The following MTAP variants were observed in gnomAD, a reference collection of about 807,000 sequenced individuals.
The protein encoded by MTAP is S-methyl-5'-thioadenosine phosphorylase.
A neutral mutation model predicts 33.6 loss-of-function variants in MTAP; 33 were observed. The ratio of observed to expected loss-of-function variants is 0.98; its 90% CI spans 0.74 to 1.31. The LOEUF (loss-of-function observed/expected upper bound fraction) is 1.31, where lower values mean the gene tolerates loss of function less well. Ranked by LOEUF, MTAP falls within the 40% of genes most tolerant of loss-of-function variation. The pLI, the probability that MTAP is intolerant of heterozygous loss-of-function variation, is 0.00. For missense variants in MTAP, 367 were observed against 360.0 expected (o/e 1.02, Z -0.16); for synonymous variants, 148 against 125.7 (o/e 1.18, Z -1.19).
At chr9:21,899,297 G>A (rs112298198) in intron 1 of MTAP, among the ~76,000 whole-genome samples, 7,750 of 151,710 alleles carry the variant, frequency 0.051, 604 homozygotes, top group African/African-American at 0.17. Context: ...ACAAGTTAAC[G>A]GGTGCAGCAC....
chr9:21,878,973 A>C (rs1450252906), intron 1 of MTAP, among the ~76,000 whole-genome samples: 1 of 152,106 alleles, frequency 6.6e-6, no homozygotes, highest in Non-Finnish European at 1.5e-5. Context: ...TTTTATGTCC[A>C]ATTATGTGGT....
intron 4 of MTAP, among the ~76,000 whole-genome samples, chr9:21,826,068 C>T (rs150291175): frequency 2.0e-5 from 3 of 151,922 alleles, no homozygotes; most frequent in African/African-American, 4.8e-5. Context: ...GGTTTGTAAA[C>T]ATTTTTTTCC....
chr9:21,906,244 A>G (rs1313070714), intron 1 of MTAP, among the ~76,000 whole-genome samples: 1 of 152,244 alleles, frequency 6.6e-6, no homozygotes, highest in African/African-American at 2.4e-5. Context: ...TAAGGATAAG[A>G]TGTCAAAGCA....
At position 21,840,560 on chromosome 9, in the gene MTAP, G is replaced by A. The variant is rs1282874530; in HGVS notation, c.450+2550G>A. On this transcript the variant is annotated intron_variant, in intron 5 of 7. Transcript: ENST00000644715. Reference sequence around the variant, plus strand: ...TTAGGGGGTTATGTGAAATATGAAAGTAGAAGTAGCAACAGGAAGTGCTTT... The same window carrying A: ...TTAGGGGGTTATGTGAAATATGAAAATAGAAGTAGCAACAGGAAGTGCTTT... Among the ~76,000 whole-genome samples the A allele has an allele frequency of 2.0e-5, 3 of 152,338 alleles. No homozygotes were observed. The East Asian group carries it at 5.8e-4, about 29-fold the overall frequency.
At chr9:21,911,818 T>A (rs1457517085) in intron 1 of MTAP, among the ~76,000 whole-genome samples, 1 of 151,328 alleles carries the variant, frequency 6.6e-6, no homozygotes, top group Non-Finnish European at 1.5e-5. Flanking sequence ...AAAAAACCCA[T>A]CAAAAAAATC....
Position 21,864,902 on chromosome 9 carries a change from A to G in MTAP, c.*2888A>G. 2.0e-6 allele frequency: 2 copies of G among 985,430 alleles called. No homozygotes were observed. The highest frequency in any genetic ancestry group is 2.4e-6 in the Non-Finnish European group (2 of 829,934). The allele number at this position is 985,430 out of a possible 1,614,324, so 61.0% of individuals were successfully genotyped here. On this transcript the variant is annotated 3_prime_UTR_variant, in exon 8 of 8. Transcript: ENST00000644715. ...GTGGCCCCACCAACACCTATTTTCC[A>G]AATAATTATTCATTCTTGTGACAGT...
At chr9:21,825,431 T>C (rs768983437) in intron 4 of MTAP, among the ~76,000 whole-genome samples, 3 of 152,222 alleles carry the variant, frequency 2.0e-5, no homozygotes, top group East Asian at 3.8e-4. Context: ...TATTTTCAGT[T>C]TTTTGGGGAA....
chr9:21,860,315 A>T (rs1378465414), intron 7 of MTAP: 1 of 152,228 alleles, frequency 6.6e-6, no homozygotes, highest in South Asian at 2.1e-4. Context: ...CCAGTTTCAC[A>T]CTACTAATGT....
At chr9:21,929,571 C>T (rs1207412379) in intron 1 of MTAP, 1 of 366,192 alleles carries the variant, frequency 2.7e-6, no homozygotes, top group South Asian at 2.7e-5. Context: ...GATCCCCTTA[C>T]TCCACCAAAT....
chr9:21,817,793 A>C (rs1281488074), intron 3 of MTAP, among the ~76,000 whole-genome samples: 1 of 152,106 alleles, frequency 6.6e-6, no homozygotes, highest in Non-Finnish European at 1.5e-5. Flanking sequence ...TATACAGAGC[A>C]TGACAGTGGG....
At chr9:21,926,753 C>T (rs547061764) in intron 1 of MTAP, among the ~76,000 whole-genome samples, 5 of 152,102 alleles carry the variant, frequency 3.3e-5, no homozygotes, top group Non-Finnish European at 7.4e-5. Context: ...AGTTATGAAT[C>T]CTGCATCTAG....
chr9:21,903,925 CAG>C (rs1238112439), intron 1 of MTAP, among the ~76,000 whole-genome samples: 1 of 152,170 alleles, frequency 6.6e-6, no homozygotes, highest in Non-Finnish European at 1.5e-5. Context: ...ATCACAAGGA[CAG>C]AGGATTTCTG....
chr9:21,871,527 T>C (rs1194847903), downstream of MTAP, among the ~76,000 whole-genome samples: 14 of 152,252 alleles, frequency 9.2e-5, no homozygotes, highest in Admixed American at 9.2e-4. Context: ...TCAGGAATTA[T>C]TTCTACCTTG....
At chr9:21,847,956 G>A (rs1257387978) in intron 5 of MTAP, among the ~76,000 whole-genome samples, 2 of 152,172 alleles carry the variant, frequency 1.3e-5, no homozygotes, top group Non-Finnish European at 1.5e-5. Flanking sequence ...ACTGGGATGT[G>A]TGGGAGGACC....
At chr9:21,921,840 G>C (rs1818792218) in intron 1 of MTAP, among the ~76,000 whole-genome samples, 1 of 152,026 alleles carries the variant, frequency 6.6e-6, no homozygotes, top group South Asian at 2.1e-4. Context: ...AATTAGCCAG[G>C]CATGGTGGCA....
At chr9:21,850,606 A>G (rs1340372244) in intron 5 of MTAP, among the ~76,000 whole-genome samples, 2 of 152,178 alleles carry the variant, frequency 1.3e-5, no homozygotes, top group Non-Finnish European at 2.9e-5. Context: ...ATTACAGTGG[A>G]GCCCTCTAGG....
downstream of MTAP, chr9:21,934,363 CCTT>C (rs1198025507): frequency 1.3e-5 from 2 of 152,304 alleles, no homozygotes; most frequent in East Asian, 1.9e-4. This position sits in a 1 kb window ranked among gnomAD's most constrained non-coding sequence, Gnocchi z 5.0. Context: ...AGTACGGAGT[CCTT>C]CTCAGGCTAT....
chr9:21,875,517 A>G (rs1328458257), intron 1 of MTAP, among the ~76,000 whole-genome samples: 1 of 151,986 alleles, frequency 6.6e-6, no homozygotes, highest in Non-Finnish European at 1.5e-5. Flanking sequence ...GTAGATTGCA[A>G]AAATTGGTTA....
At chr9:21,902,267 TG>T (rs1277275282) in intron 1 of MTAP, among the ~76,000 whole-genome samples, 5 of 152,220 alleles carry the variant, frequency 3.3e-5, no homozygotes, top group African/African-American at 1.2e-4. Context: ...GCTAAGCTAG[TG>T]TCCCTTCAAA....
Sources: gnomAD v4.1 joint callset for allele counts (sites outside exome capture counted in the v4.1 genomes callset) on GRCh38, gnomAD v4.1.1 for gene constraint, Gnocchi (gnomAD v3.1) non-coding constraint, MANE v1.5 for transcripts, NCBI Gene and HGNC (gene_info 2026-07-23, HGNC 2026-07-21) for gene names.